The following PTPRD variants were observed in gnomAD, a reference collection of about 807,000 sequenced individuals.
PTPRD encodes receptor-type tyrosine-protein phosphatase delta.
A neutral mutation model predicts 214.5 loss-of-function variants in PTPRD; 34 were observed. The observed-to-expected ratio is 0.16, with a 90% confidence interval of 0.12 to 0.21. PTPRD has a LOEUF of 0.21. Among genes scored for constraint, PTPRD ranks in the 10% least tolerant of loss-of-function variants. The pLI, the probability that PTPRD is intolerant of heterozygous loss-of-function variation, is 1.00. For missense variants in PTPRD, 2,545 were observed against 2,398.7 expected (o/e 1.06, Z -1.27); for synonymous variants, 1,128 against 845.7 (o/e 1.33, Z -5.79).
intron 8 of PTPRD, among the ~76,000 whole-genome samples, chr9:9,537,594 C>T (rs2076777695): frequency 6.6e-6 from 1 of 151,932 alleles, no homozygotes; most frequent in Non-Finnish European, 1.5e-5. Flanking sequence ...ATTTGGGTGC[C>T]TGTTCTTAGA....
At chr9:9,117,217 T>TA (rs1297776308) in intron 10 of PTPRD, among the ~76,000 whole-genome samples, 2 of 150,522 alleles carry the variant, frequency 1.3e-5, no homozygotes, top group Non-Finnish European at 3.0e-5. Context: ...CTCAGGAAAT[T>TA]AAGTTTTTTT....
chr9:9,483,312 T>C (rs896167465), intron 8 of PTPRD, among the ~76,000 whole-genome samples: 8 of 152,150 alleles, frequency 5.3e-5, no homozygotes, highest in Non-Finnish European at 7.4e-5. Flanking sequence ...AGCAAGTACG[T>C]TGCCCTTATG....
chr9:8,363,041 T>C (rs534000473), intron 39 of PTPRD, among the ~76,000 whole-genome samples: 3 of 152,322 alleles, frequency 2.0e-5, no homozygotes, highest in Non-Finnish European at 4.4e-5. Flanking sequence ...CTTTAGGAAG[T>C]ATTTGATTTT....
chr9:8,837,661 TA>T (rs1451215477), intron 11 of PTPRD, among the ~76,000 whole-genome samples: 3 of 152,046 alleles, frequency 2.0e-5, no homozygotes, highest in Non-Finnish European at 2.9e-5. Context: ...CATGCCTCGC[TA>T]AACTTTTATT....
chr9:9,681,325 T>C (rs552840505), intron 7 of PTPRD, among the ~76,000 whole-genome samples: 1 of 151,850 alleles, frequency 6.6e-6, no homozygotes, highest in South Asian at 2.1e-4. Context: ...GACTCAACTA[T>C]TATCTTGAAG....
intron 8 of PTPRD, among the ~76,000 whole-genome samples, chr9:9,418,451 A>C (rs1299677121): frequency 3.3e-5 from 5 of 151,958 alleles, no homozygotes; most frequent in Non-Finnish European, 7.4e-5. Flanking sequence ...TTTGAAGATT[A>C]ATCTTCAGTG....
chr9:9,834,786 T>C (rs1049105387), intron 5 of PTPRD, among the ~76,000 whole-genome samples: 1 of 152,056 alleles, frequency 6.6e-6, no homozygotes, highest in African/African-American at 2.4e-5. Context: ...TTTGGGTTAG[T>C]GAAGATAGCT....
intron 3 of PTPRD, among the ~76,000 whole-genome samples, chr9:10,050,934 AGGGTAAG>A (rs2097525362): frequency 6.6e-6 from 1 of 152,130 alleles, no homozygotes; most frequent in Non-Finnish European, 1.5e-5. Context: ...CATTGTGAAA[AGGGTAAG>A]CATATGTAAT....
At chr9:8,571,574 G>A (rs1594167509) in intron 14 of PTPRD, among the ~76,000 whole-genome samples, 1 of 152,224 alleles carries the variant, frequency 6.6e-6, no homozygotes, top group East Asian at 1.9e-4. Flanking sequence ...AAACCTTGCT[G>A]AGAAAAGCAA....
At chr9:9,778,630 G>A (rs1047695387) in intron 5 of PTPRD, among the ~76,000 whole-genome samples, 3 of 152,184 alleles carry the variant, frequency 2.0e-5, no homozygotes, top group Non-Finnish European at 2.9e-5. Context: ...TAGGGGCCAC[G>A]CATAGCCACT....
At position 9,559,037 on chromosome 9, in the gene PTPRD, G is replaced by T. The variant is rs770374217; in HGVS notation, c.-237+15695C>A. On this transcript the variant is annotated intron_variant, in intron 8 of 45. Coordinates refer to ENST00000381196, the MANE Select transcript of PTPRD (RefSeq NM_002839.4). ...TGGATGTCCGCACGTTCCAGTCCGG[G>T]GGGGTAGCTATCCATGAGTGCACCC... 3.9e-5 allele frequency among the ~76,000 whole-genome samples: 6 copies of T among 152,332 alleles called. No individual in the cohort carries two copies. In the South Asian group the frequency reaches 8.3e-4, roughly 21 times the overall value.
At position 10,417,308 on chromosome 9, in the gene PTPRD, T is replaced by C. The variant is rs141616410; in HGVS notation, c.-599-76291A>G. ...CCTTCTTCCAATGAAAGGGTGAACA[T>C]TGATTTTTAGAGATTTTAAGAATGC... On this transcript the variant is annotated intron_variant, in intron 2 of 45. Coordinates refer to ENST00000381196, the MANE Select transcript of PTPRD (RefSeq NM_002839.4). Among the ~76,000 whole-genome samples, 71 of 152,050 alleles carry C rather than the reference T, an allele frequency of 4.7e-4. 1 individual carries two copies. The East Asian group carries it at 0.012, about 25-fold the overall frequency.
chr9:9,269,690 A>C (rs2132684827), intron 9 of PTPRD, among the ~76,000 whole-genome samples: 1 of 151,516 alleles, frequency 6.6e-6, no homozygotes, highest in Admixed American at 6.6e-5. Flanking sequence ...AAATAAGAAA[A>C]TCCTGCTATT....
chr9:10,065,601 T>C (rs959111979), intron 3 of PTPRD, among the ~76,000 whole-genome samples: 3 of 151,942 alleles, frequency 2.0e-5, no homozygotes, highest in African/African-American at 7.2e-5. Flanking sequence ...AAAGGAAATG[T>C]TCTTTTAAAA....
intron 4 of PTPRD, among the ~76,000 whole-genome samples, chr9:9,947,346 A>AATATATATTATATATTATATATATAAT (rs2092733397): frequency 2.3e-5 from 1 of 43,688 alleles, no homozygotes; most frequent in Non-Finnish European, 3.5e-5. Flanking sequence ...TTATATATAT[A>AATATATATTATATATTATATATATAAT]ATATATATTA....
At chr9:8,668,989 G>A (rs976304007) in intron 12 of PTPRD, among the ~76,000 whole-genome samples, 3 of 152,104 alleles carry the variant, frequency 2.0e-5, no homozygotes, top group Non-Finnish European at 4.4e-5. Flanking sequence ...GTCACAAGAA[G>A]AGGATCAAAG....
chr9:9,802,678 C>T (rs558075511), intron 5 of PTPRD, among the ~76,000 whole-genome samples: 1 of 151,794 alleles, frequency 6.6e-6, no homozygotes, highest in Non-Finnish European at 1.5e-5. Context: ...TCTCCATACC[C>T]AGTATCCAGA....
At chr9:9,473,545 A>T (rs2094786442) in intron 8 of PTPRD, among the ~76,000 whole-genome samples, 1 of 151,990 alleles carries the variant, frequency 6.6e-6, no homozygotes, top group Non-Finnish European at 1.5e-5. Flanking sequence ...TATCTAAGAA[A>T]CCCCCATCCT....
intron 5 of PTPRD, among the ~76,000 whole-genome samples, chr9:9,881,184 T>G (rs568391250): frequency 6.6e-6 from 1 of 152,274 alleles, no homozygotes; most frequent in Non-Finnish European, 1.5e-5. Context: ...TTTTTTTAAT[T>G]GGCTAACACT....
Sources: allele counts gnomAD v4.1 joint callset (sites outside exome capture counted in the v4.1 genomes callset), GRCh38; gene constraint gnomAD v4.1.1; transcripts MANE v1.5; gene names NCBI Gene and HGNC (gene_info 2026-07-23, HGNC 2026-07-21).